SLC35F2: variants seen among roughly 807,000 people sequenced by gnomAD.
The protein encoded by SLC35F2 is queuine/queuosine transporter SLC35F2.
SLC35F2 carries 25 observed loss-of-function variants against 38.1 expected under a neutral mutation model. That is an observed-to-expected ratio of 0.66 (90% confidence interval 0.48 to 0.92). The LOEUF (loss-of-function observed/expected upper bound fraction) is 0.92, where lower values mean the gene tolerates loss of function less well. Ranked by LOEUF, SLC35F2 falls within the 40% of genes least tolerant of loss-of-function variation. The pLI is 0.00. For missense variants in SLC35F2, 409 were observed against 452.9 expected, an observed-to-expected ratio of 0.90 and a Z score of 0.88; for synonymous variants, 173 against 181.7, an observed-to-expected ratio of 0.95 and a Z score of 0.38.
At chr11:107,851,218 G>A (rs567983271) in intron 1 of SLC35F2, among the ~76,000 whole-genome samples, 89 of 151,218 alleles carry the variant, frequency 5.9e-4, no homozygotes, top group Non-Finnish European at 9.3e-4. Context: ...AGCTGAGATC[G>A]CACCACTGTA....
intron 7 of SLC35F2, among the ~76,000 whole-genome samples, chr11:107,800,339 T>G (rs1452846813): frequency 6.6e-6 from 1 of 152,148 alleles, no homozygotes; most frequent in Non-Finnish European, 1.5e-5. Context: ...AAGCAGAAAT[T>G]TCTGAGAATC....
chr11:107,813,893 G>A (rs1028677686), intron 2 of SLC35F2, among the ~76,000 whole-genome samples: 11 of 152,084 alleles, frequency 7.2e-5, no homozygotes, highest in African/African-American at 2.4e-4. Flanking sequence ...TTGAACTCCT[G>A]GCCTCAGGTG....
rs755985103 is a variant in SLC35F2 at position 107,804,701 on chromosome 11, A to C, written c.784+17T>G. On this transcript the variant is annotated intron_variant, in intron 6 of 7. Transcript: ENST00000525815. ...TGTTAAAGAATGCTGACTAAAAGGAATTATTTCTTTACATACCAATTTTCC... is the reference window on the plus strand; with the variant it reads ...TGTTAAAGAATGCTGACTAAAAGGACTTATTTCTTTACATACCAATTTTCC... 40 of 1,565,672 alleles carry C rather than the reference A, an allele frequency of 2.6e-5. No homozygotes were observed. Among genetic ancestry groups the C allele is most frequent in the Non-Finnish European group, 3.5e-5 (40 of 1,143,000 alleles).
chr11:107,822,792 CAAG>C (rs1352915559), intron 1 of SLC35F2, among the ~76,000 whole-genome samples: 1 of 151,902 alleles, frequency 6.6e-6, no homozygotes, highest in Non-Finnish European at 1.5e-5. Flanking sequence ...TGCATGCAGC[CAAG>C]GAGAAGGAAA....
intron 1 of SLC35F2, among the ~76,000 whole-genome samples, chr11:107,853,432 A>G (rs982976035): frequency 2.6e-5 from 4 of 152,066 alleles, no homozygotes; most frequent in Non-Finnish European, 5.9e-5. Context: ...TGAAAGAATC[A>G]ATGAGGCCGG....
chr11:107,838,785 T>A (rs756839774), intron 1 of SLC35F2, among the ~76,000 whole-genome samples: 1 of 151,350 alleles, frequency 6.6e-6, no homozygotes, highest in South Asian at 2.1e-4. Flanking sequence ...TGCACCTCCA[T>A]GCCTGGCTTA....
At chr11:107,815,992 C>T (rs67596776) in intron 1 of SLC35F2, 27 bp from the exon 2 acceptor site, 81,612 of 1,587,948 alleles carry the variant, frequency 0.051, 7,399 homozygotes, top group African/African-American at 0.41. Context: ...GAAATCAGAA[C>T]AGCATGCAAA....
At chr11:107,801,077 G>A (rs1345100264) in intron 7 of SLC35F2, among the ~76,000 whole-genome samples, 1 of 151,974 alleles carries the variant, frequency 6.6e-6, no homozygotes. Context: ...GCTAATTTTT[G>A]TATTTTTAGT....
intron 1 of SLC35F2, among the ~76,000 whole-genome samples, chr11:107,843,245 C>A (rs562156684): frequency 2.6e-5 from 4 of 152,038 alleles, no homozygotes; most frequent in Non-Finnish European, 5.9e-5. Context: ...ACTGGTGATG[C>A]GTTTACGGGA....
chr11:107,805,498 C>T lies in SLC35F2; in HGVS notation c.592G>A (p.Gly198Ser). 6.2e-7 allele frequency: 1 copy of T among 1,613,430 alleles called. No homozygotes were observed. Among genetic ancestry groups the T allele is most frequent in the Non-Finnish European group, 8.5e-7 (1 of 1,179,798 alleles). ...GCCCCAAGAAGGACCAAGATGTCAC[C>T]AATCAATACATCACTCCCTGCAGGA... The part of the protein sequence containing the change: ...EDNSGSDVLI[G>S]DILVLLGASL... The change falls in exon 5 of 8, where the codon GGT (glycine) becomes AGT (serine). Residue 198 changes from glycine to serine, a missense_variant. Coordinates refer to ENST00000525815, the MANE Select transcript of SLC35F2 (RefSeq NM_017515.5).
chr11:107,854,917 A>G (rs975020301), intron 1 of SLC35F2, among the ~76,000 whole-genome samples: 6 of 152,062 alleles, frequency 3.9e-5, no homozygotes, highest in Non-Finnish European at 7.4e-5. Context: ...CCATTCACCA[A>G]CCTCTTTCTA....
chr11:107,815,977 G>A lies in SLC35F2; in HGVS notation c.111-12C>T. 1 of 1,587,904 alleles carries A rather than the reference G, an allele frequency of 6.3e-7. No homozygotes were observed. The highest frequency in any genetic ancestry group is 8.6e-7 in the Non-Finnish European group (1 of 1,166,776). ...TTTTCAAAATATTCCTAGAAAATAA[G>A]GGAAGAAATCAGAACAGCATGCAAA... On this transcript the variant is annotated splice_polypyrimidine_tract_variant and intron_variant, in intron 1 of 7. Transcript: ENST00000525815.
intron 1 of SLC35F2, among the ~76,000 whole-genome samples, chr11:107,853,630 G>A (rs1272509338): frequency 1.4e-3 from 196 of 137,754 alleles, no homozygotes; most frequent in Admixed American, 2.4e-3. Context: ...TGAGGCAGGA[G>A]AATGGCGTGA....
intron 1 of SLC35F2, among the ~76,000 whole-genome samples, chr11:107,847,247 C>T (rs1178543323): frequency 2.0e-5 from 3 of 152,004 alleles, no homozygotes; most frequent in Admixed American, 6.6e-5. Flanking sequence ...ACAGGAGTCT[C>T]GCTTTGTTGC....
At chr11:107,797,959 A>G (rs972370943) in intron 7 of SLC35F2, among the ~76,000 whole-genome samples, 1 of 151,612 alleles carries the variant, frequency 6.6e-6, no homozygotes, top group East Asian at 1.9e-4. Flanking sequence ...TGTTTGGAGT[A>G]CTCTAAACTT....
chr11:107,817,278 AGAAAG>A (rs2134796567), intron 1 of SLC35F2, among the ~76,000 whole-genome samples: 1 of 152,184 alleles, frequency 6.6e-6, no homozygotes, highest in South Asian at 2.1e-4. Context: ...GACAAAAGGA[AGAAAG>A]GAAAGAAAGA....
intron 1 of SLC35F2, among the ~76,000 whole-genome samples, chr11:107,843,860 AAAAAAAAAATAT>A (rs1394562108): frequency 1.3e-4 from 5 of 39,682 alleles, no homozygotes; most frequent in African/African-American, 4.3e-4. Flanking sequence ...AAAAAAAAAA[AAAAAAAAAATAT>A]ATATATATAT....
chr11:107,820,792 C>T (rs1261851190), intron 1 of SLC35F2, among the ~76,000 whole-genome samples: 1 of 152,064 alleles, frequency 6.6e-6, no homozygotes, highest in Non-Finnish European at 1.5e-5. Context: ...CCCGTCTCTA[C>T]TAAAAATACA....
chr11:107,834,755 C>A (rs1859902450), intron 1 of SLC35F2, among the ~76,000 whole-genome samples: 2 of 152,156 alleles, frequency 1.3e-5, no homozygotes, highest in Admixed American at 1.3e-4. Context: ...CAAACTTTAT[C>A]TGATCATATA....
Sources: gnomAD v4.1 joint callset for allele counts (sites outside exome capture counted in the v4.1 genomes callset) on GRCh38, gnomAD v4.1.1 for gene constraint, MANE v1.5 for transcripts, NCBI Gene and HGNC (gene_info 2026-07-23, HGNC 2026-07-21) for gene names.